Variants in INSYN1 observed in about 807,000 individuals in gnomAD.
INSYN1 encodes the protein inhibitory synaptic factor 1, also known as UPF0583 protein C15orf59.
Under a neutral mutation model 17.1 loss-of-function variants are expected in INSYN1, and 7 were observed. The observed-to-expected ratio is 0.41, with a 90% confidence interval of 0.23 to 0.77. The LOEUF (loss-of-function observed/expected upper bound fraction) is 0.77. Ranked by LOEUF, INSYN1 falls within the 30% of genes least tolerant of loss-of-function variation. INSYN1 has a pLI of 0.32. For missense variants in INSYN1, 339 were observed against 400.6 expected (o/e 0.85, Z 1.31); for synonymous variants, 174 against 166.3 (o/e 1.05, Z -0.36).
At chr15:73,746,954 T>C (rs1901851547) in intron 2 of INSYN1, among the ~76,000 whole-genome samples, 1 of 152,082 alleles carries the variant, frequency 6.6e-6, no homozygotes, top group Non-Finnish European at 1.5e-5. Flanking sequence ...GACCAGCAGA[T>C]TCCTGGAGAG....
In INSYN1 at chr15:73,738,265, C is replaced by T. The variant is rs76157524; in HGVS notation, c.*1652G>A. The stretch of plus-strand genomic sequence containing the variant: ...GGCAAACGGACTTGCCAAGGTCACA[C>T]AGCTGCTAGCTAGCAGAGCCAGGCA... On this transcript the variant is annotated 3_prime_UTR_variant, in exon 3 of 3. Transcript: ENST00000569673. The T allele has an allele frequency of 6.6e-6, 1 of 152,344 alleles. No individual in the cohort carries two copies. Among genetic ancestry groups the T allele is most frequent in the Admixed American group, 6.5e-5 (1 of 15,292 alleles). The allele number at this position is 152,344 out of a possible 1,614,324, so 9.4% of individuals were successfully genotyped here.
At position 73,745,112 on chromosome 15, in the gene INSYN1, G is replaced by A. The variant is rs143675916; in HGVS notation, c.157-4470C>T. Among the ~76,000 whole-genome samples, 311 of 152,146 alleles carry A rather than the reference G, an allele frequency of 2.0e-3. 2 individuals carry two copies. Among genetic ancestry groups the A allele is most frequent in the African/African-American group, 7.0e-3 (292 of 41,504 alleles). On this transcript the variant is annotated intron_variant, in intron 2 of 2. Transcript: ENST00000569673. ...ACTGCACCCATCTAGTCTTTCCACC[G>A]ATAGCAACTTCCTCCCAGCTCTTGC...
rs79577224 is a variant in INSYN1 at position 73,749,059 on chromosome 15, T to C, written c.156+1916A>G. Among the ~76,000 whole-genome samples, 921 of 152,188 alleles carry C rather than the reference T, an allele frequency of 6.1e-3. 16 individuals carry two copies. The highest frequency in any genetic ancestry group is 0.021 in the African/African-American group (874 of 41,514). On this transcript the variant is annotated intron_variant, in intron 2 of 2. Coordinates refer to ENST00000569673, the MANE Select transcript of INSYN1 (RefSeq NM_001039614.3). ...AGCCTGTGAACCTGGAGCTCTGCTA[T>C]TGGAGACATGGGAGTGGGTGAGTGT... is the stretch of plus-strand genomic sequence containing the variant.
chr15:73,740,695 A>G, intron 2 of INSYN1, 53 bp from the exon 3 acceptor site: 1 of 1,411,852 alleles, frequency 7.1e-7, no homozygotes, highest in Non-Finnish European at 9.8e-7. Flanking sequence ...TCCCTGCATC[A>G]GCCAGGTGTG....
At chr15:73,747,683 T>C (rs1300607503) in intron 2 of INSYN1, among the ~76,000 whole-genome samples, 1 of 152,166 alleles carries the variant, frequency 6.6e-6, no homozygotes, top group Non-Finnish European at 1.5e-5. Flanking sequence ...GGAGCTCAGA[T>C]TTGAACTACA....
At chr15:73,745,010 G>A (rs1901785338) in intron 2 of INSYN1, among the ~76,000 whole-genome samples, 1 of 141,632 alleles carries the variant, frequency 7.1e-6, no homozygotes, top group Non-Finnish European at 1.5e-5. Flanking sequence ...GAGGGCTGTG[G>A]CAGAACCTGC....
rs564833839 is a variant in INSYN1, at chr15:73,739,095, C to T, written c.*822G>A. 2.6e-5 allele frequency: 4 copies of T among 152,276 alleles called. No individual in the cohort carries two copies. The highest frequency in any genetic ancestry group is 5.9e-5 in the Non-Finnish European group (4 of 68,062). The allele number at this position is 152,276 out of a possible 1,614,324, so 9.4% of individuals were successfully genotyped here. A position where few individuals can be genotyped will look rare whatever the true frequency, so the allele number is the denominator to read the frequency against. ...CTAATTTTTAGCCCCATGGAAGTGG[C>T]TGCCTACTTCCTCGCACAGATCTCA... On this transcript the variant is annotated 3_prime_UTR_variant, in exon 3 of 3. Coordinates refer to ENST00000569673, the MANE Select transcript of INSYN1 (RefSeq NM_001039614.3).
Position 73,751,189 on chromosome 15 carries a change from C to A in INSYN1, c.-59G>T. ...CCCCCCAGCTGGGCACACACTGCGT[C>A]TGCCTCCACGGAGCCCCCCTCGGCT... On this transcript the variant is annotated 5_prime_UTR_variant, in exon 2 of 3. Transcript: ENST00000569673. 1 of 1,585,662 alleles carries A rather than the reference C, an allele frequency of 6.3e-7. No individual in the cohort carries two copies. The highest frequency in any genetic ancestry group is 8.6e-7 in the Non-Finnish European group (1 of 1,164,308).
chr15:73,745,331 C>T (rs982136891), intron 2 of INSYN1, among the ~76,000 whole-genome samples: 7 of 152,064 alleles, frequency 4.6e-5, no homozygotes, highest in African/African-American at 9.7e-5. Context: ...CACACTCCAT[C>T]GAGCTCACTT....
chr15:73,743,828 CAAAAAAAAAAAAAAAAAAAAA>C (rs71434209), intron 2 of INSYN1, among the ~76,000 whole-genome samples: 15 of 21,292 alleles, frequency 7.0e-4, no homozygotes, highest in Non-Finnish European at 9.8e-4. Context: ...GACTCTGTCT[CAAAAAAAAAAAAAAAAAAAAA>C]AAAAAAAAAG....
rs10623860 is a variant in INSYN1 at position 73,745,810 on chromosome 15, AAAAAC to A, written c.156+5160_156+5164del. On this transcript the variant is annotated intron_variant, in intron 2 of 2. Transcript: ENST00000569673. ...GGCGACAGAGCGAGACTCCGTCTCA[AAAAAC>A]AAAACAAAACAAAACAAAACAAAAA... Among the ~76,000 whole-genome samples, 15 of 149,916 alleles carry A rather than the reference AAAAAC, an allele frequency of 1.0e-4. No homozygotes were observed. The East Asian group carries it at 1.8e-3, about 18-fold the overall frequency.
Position 73,740,398 on chromosome 15 carries a change from C to T in INSYN1, c.401G>A (p.Gly134Glu), listed in dbSNP as rs1470313482. The change falls in exon 3 of 3, where the codon GGG (glycine) becomes GAG (glutamate). Residue 134 changes from glycine to glutamate, a missense_variant. By Grantham distance (98) the Gly-to-Glu change is moderately conservative. Coordinates refer to ENST00000569673, the MANE Select transcript of INSYN1 (RefSeq NM_001039614.3). ...SVDGPESTRP[G>E]AGPDYRLMNG... ...CATGAGGCGGTAGTCAGGGCCAGCC[C>T]CTGGCCGAGTCGACTCGGGACCATC... is the stretch of plus-strand genomic sequence containing the variant. 2.5e-6 allele frequency: 4 copies of T among 1,610,044 alleles called. No individual in the cohort carries two copies. Among genetic ancestry groups the T allele is most frequent in the Non-Finnish European group, 3.4e-6 (4 of 1,178,092 alleles).
chr15:73,741,227 G>A (rs941813952), intron 2 of INSYN1, among the ~76,000 whole-genome samples: 1 of 152,206 alleles, frequency 6.6e-6, no homozygotes, highest in Non-Finnish European at 1.5e-5. Flanking sequence ...AACACCAGGT[G>A]TACAGCACTG....
intron 2 of INSYN1, among the ~76,000 whole-genome samples, chr15:73,742,540 TGAGGAGTCTTG>T (rs1401358707): frequency 6.6e-6 from 1 of 152,160 alleles, no homozygotes; most frequent in African/African-American, 2.4e-5. Context: ...TGTCTACAGA[TGAGGAGTCTTG>T]GGCACTAGTC....
chr15:73,740,654 A>G lies in INSYN1; in HGVS notation c.157-12T>C, dbSNP rs1901670255. On this transcript the variant is annotated splice_polypyrimidine_tract_variant and intron_variant, in intron 2 of 2. Transcript: ENST00000569673. ...ATCTGGCTCACCACCTGACCAGGGA[A>G]GGGGAGAGGAGATGAGAGGGGCCAG... 4 of 1,593,484 alleles carry G rather than the reference A, an allele frequency of 2.5e-6. No homozygotes were observed. The highest frequency in any genetic ancestry group is 2.6e-6 in the Non-Finnish European group (3 of 1,168,452).
chr15:73,740,036 C>T lies in INSYN1; in HGVS notation c.763G>A (p.Ala255Thr), dbSNP rs776591961. ...GTGACCCTTCGAGTCTGTTCAGGGGCCAAGGTAGAGCCTGAGTGGCGGCTG... is the reference window on the plus strand; with the variant it reads ...GTGACCCTTCGAGTCTGTTCAGGGGTCAAGGTAGAGCCTGAGTGGCGGCTG... ...LTSRHSGSTL[A>T]PEQTRRVTRN... Residue 255 changes from alanine (A) to threonine (T), a missense_variant, in exon 3 of 3, where the codon GCC (alanine) becomes ACC (threonine). By Grantham distance (58) the Ala-to-Thr change is moderately conservative. Transcript: ENST00000569673. The T allele has an allele frequency of 1.2e-6, 2 of 1,613,482 alleles. No individual in the cohort carries two copies. Among genetic ancestry groups the T allele is most frequent in the African/African-American group, 2.7e-5 (2 of 74,724 alleles).
rs1322929886 is a variant in INSYN1 at position 73,751,151 on chromosome 15, G to T, written c.-21C>A. The T allele has an allele frequency of 1.4e-5, 22 of 1,612,302 alleles. No individual in the cohort carries two copies. Among genetic ancestry groups the T allele is most frequent in the Non-Finnish European group, 1.5e-5 (18 of 1,179,806 alleles). Reference sequence around the variant, plus strand: ...TTCATCGTTTACCACGTGGCCGCAGGCCTGCCCATACTCCCCCCAGCTGGG... The same window carrying T: ...TTCATCGTTTACCACGTGGCCGCAGTCCTGCCCATACTCCCCCCAGCTGGG... On this transcript the variant is annotated 5_prime_UTR_variant, in exon 2 of 3. Coordinates refer to ENST00000569673, the MANE Select transcript of INSYN1 (RefSeq NM_001039614.3).
At position 73,745,505 on chromosome 15, in the gene INSYN1, C is replaced by T. The variant is rs967918337; in HGVS notation, c.157-4863G>A. On this transcript the variant is annotated intron_variant, in intron 2 of 2. Transcript: ENST00000569673. ...TGAAAATGTTACACAATATTTAACA[C>T]TGCTACAATTTTGCACCTATATGTT... is the stretch of plus-strand genomic sequence containing the variant. Among the ~76,000 whole-genome samples the T allele has an allele frequency of 6.6e-5, 10 of 152,342 alleles. No individual in the cohort carries two copies. The South Asian group carries it at 2.1e-3, about 32-fold the overall frequency.
chr15:73,748,437 C>T (rs1901895323), intron 2 of INSYN1, among the ~76,000 whole-genome samples: 2 of 152,194 alleles, frequency 1.3e-5, no homozygotes, highest in African/African-American at 2.4e-5. Context: ...CTTCTAAGTG[C>T]TTGGCCTGAG....
Sources: gnomAD v4.1 joint callset for allele counts (sites outside exome capture counted in the v4.1 genomes callset) on GRCh38, gnomAD v4.1.1 for gene constraint, MANE v1.5 for transcripts, NCBI Gene and HGNC (gene_info 2026-07-23, HGNC 2026-07-21) for gene names.